Variants in COL4A2 observed in about 807,000 individuals in gnomAD.
COL4A2 encodes collagen alpha-2(IV) chain.
In COL4A2, 99 loss-of-function variants were observed where a neutral mutation model predicts 200.2. The observed-to-expected ratio is 0.49, with a 90% CI of 0.42 to 0.58. COL4A2 has a LOEUF of 0.58. Ranked by LOEUF, COL4A2 falls within the 20% of genes least tolerant of loss-of-function variation. The pLI is 0.00. For synonymous variants in COL4A2, 897 were observed against 900.6 expected (o/e 1.00, Z 0.07); for missense variants, 1,950 against 2,314.1 (o/e 0.84, Z 3.23).
At chr13:110,327,238 T>C (rs1885441516) in intron 3 of COL4A2, among the ~76,000 whole-genome samples, 1 of 152,190 alleles carries the variant, frequency 6.6e-6, no homozygotes, top group Non-Finnish European at 1.5e-5. Context: ...ACCCATGGAA[T>C]TTGGGCGTCC....
At position 110,449,769 on chromosome 13, in the gene COL4A2, G is replaced by A. The variant is rs1304939051; in HGVS notation, c.1169G>A (p.Gly390Asp). 1.9e-6 allele frequency: 3 copies of A among 1,548,808 alleles called. No individual in the cohort carries two copies. Among genetic ancestry groups the A allele is most frequent in the East Asian group, 2.4e-5 (1 of 40,876 alleles). Reference protein sequence around the residue: ...PGDPGLPGPPGLSIGDGDQRR... With the variant: ...PGDPGLPGPPDLSIGDGDQRR... Reference sequence around the variant, plus strand: ...GACCCGGGCCTCCCAGGTCCCCCTGGCCTCTCCATCGGAGATGGAGGTAAT... The same window carrying A: ...GACCCGGGCCTCCCAGGTCCCCCTGACCTCTCCATCGGAGATGGAGGTAAT... The change falls in exon 19 of 48, where the codon GGC (glycine) becomes GAC (aspartate). Residue 390 changes from glycine to aspartate, a missense_variant. Physicochemically the swap from Gly to Asp is moderately conservative, Grantham distance 94. Coordinates refer to ENST00000360467, the MANE Select transcript of COL4A2 (RefSeq NM_001846.4).
chr13:110,480,541 G>A, intron 31 of COL4A2, 151 bp downstream of exon 31: 1 of 781,440 alleles, frequency 1.3e-6, no homozygotes, highest in Non-Finnish European at 1.9e-6. Flanking sequence ...TCCTGACCTA[G>A]GAGACAGCAG....
chr13:110,351,901 G>A (rs1876974873), intron 3 of COL4A2, among the ~76,000 whole-genome samples: 1 of 152,230 alleles, frequency 6.6e-6, no homozygotes, highest in African/African-American at 2.4e-5. Flanking sequence ...CGCCTGGGAA[G>A]CCACTGAGCT....
chr13:110,382,699 A>T (rs1401376383), intron 4 of COL4A2, among the ~76,000 whole-genome samples: 1 of 152,230 alleles, frequency 6.6e-6, no homozygotes, highest in African/African-American at 2.4e-5. Flanking sequence ...GGAGAGATCA[A>T]CAACAACAAA....
At chr13:110,321,178 ATGTGTG>A (rs10602824) in intron 3 of COL4A2, among the ~76,000 whole-genome samples, 3 of 149,770 alleles carry the variant, frequency 2.0e-5, no homozygotes, top group African/African-American at 4.9e-5. Context: ...TATAGTGTGC[ATGTGTG>A]TGTGTGTGTG....
chr13:110,452,695 G>A (rs1284226035), intron 20 of COL4A2, among the ~76,000 whole-genome samples: 1 of 151,988 alleles, frequency 6.6e-6, no homozygotes, highest in Non-Finnish European at 1.5e-5. Flanking sequence ...AAAATTTTTA[G>A]GTGCAGATAT....
chr13:110,375,121 C>T (rs75833707), intron 4 of COL4A2, among the ~76,000 whole-genome samples: 2 of 152,226 alleles, frequency 1.3e-5, no homozygotes, highest in South Asian at 2.1e-4. Flanking sequence ...CTCTGAGATG[C>T]GATACTTCTC....
Position 110,508,080 on chromosome 13 carries a change from G to A in COL4A2, c.4740G>A (p.Glu1580=). ...CGCTGCCCATGATGCCCGTGGCCGA[G>A]GACGAGATCAAGCCCTACATCAGCC... ...TAPLPMMPVA[E]DEIKPYISRC... Residue 1580 remains glutamate (E), a synonymous_variant, in exon 47 of 48, where the codon GAG becomes GAA. Coordinates refer to ENST00000360467, the MANE Select transcript of COL4A2 (RefSeq NM_001846.4). The surrounding 1 kb of genome is among the most constrained non-coding windows in gnomAD (Gnocchi z 6.1). 3.7e-6 allele frequency: 6 copies of A among 1,614,266 alleles called. No individual in the cohort carries two copies. In the Middle Eastern group the frequency reaches 9.9e-4, roughly 266 times the overall value.
chr13:110,485,240 C>T (rs1883073642), intron 33 of COL4A2, among the ~76,000 whole-genome samples: 1 of 152,158 alleles, frequency 6.6e-6, no homozygotes, highest in African/African-American at 2.4e-5. Context: ...ATTTGCAGCA[C>T]TGGCCGGGCG....
intron 29 of COL4A2, among the ~76,000 whole-genome samples, chr13:110,476,017 C>T (rs1403265901): frequency 1.3e-5 from 2 of 152,260 alleles, no homozygotes; most frequent in Non-Finnish European, 1.5e-5. Context: ...GTGCTGTCCA[C>T]TTCCAGAAGG....
chr13:110,321,235 C>A (rs1374918851), intron 3 of COL4A2, among the ~76,000 whole-genome samples: 1 of 146,170 alleles, frequency 6.8e-6, no homozygotes, highest in Non-Finnish European at 1.5e-5. Context: ...TACACACACA[C>A]ACACACATAG....
At chr13:110,369,796 T>C (rs9521724) in intron 4 of COL4A2, among the ~76,000 whole-genome samples, 103,540 of 151,998 alleles carry the variant, frequency 0.68, 35,852 homozygotes, top group East Asian at 0.84. Context: ...AGCTCCCCAT[T>C]GCACAGATGA....
At chr13:110,390,224 G>A (rs1449279377) in intron 4 of COL4A2, among the ~76,000 whole-genome samples, 1 of 152,188 alleles carries the variant, frequency 6.6e-6, no homozygotes, top group Non-Finnish European at 1.5e-5. Context: ...AGGAAAGTTT[G>A]GAGAGACCCA....
intron 20 of COL4A2, among the ~76,000 whole-genome samples, chr13:110,451,660 T>C (rs972149600): frequency 6.6e-5 from 10 of 152,210 alleles, no homozygotes; most frequent in African/African-American, 2.4e-4. Flanking sequence ...CATGATTCCA[T>C]TACCTCCTGT....
intron 4 of COL4A2, among the ~76,000 whole-genome samples, chr13:110,385,535 ATAGG>A (rs1878674906): frequency 9.1e-6 from 1 of 109,888 alleles, no homozygotes; most frequent in African/African-American, 3.0e-5. Flanking sequence ...CAGTGCGTGG[ATAGG>A]CCGTGGTTGC....
intron 3 of COL4A2, among the ~76,000 whole-genome samples, chr13:110,342,749 T>C (rs1361611989): frequency 6.6e-6 from 1 of 151,964 alleles, no homozygotes; most frequent in Non-Finnish European, 1.5e-5. Flanking sequence ...AAATCAAGTT[T>C]CTCCCAAACA....
At chr13:110,346,277 G>C (rs1480787136) in intron 3 of COL4A2, among the ~76,000 whole-genome samples, 1 of 152,140 alleles carries the variant, frequency 6.6e-6, no homozygotes, top group Non-Finnish European at 1.5e-5. Context: ...ATTAACTTTT[G>C]AAATCAAGTG....
intron 16 of COL4A2, among the ~76,000 whole-genome samples, chr13:110,440,112 C>T (rs1393086381): frequency 6.6e-6 from 1 of 152,214 alleles, no homozygotes; most frequent in Non-Finnish European, 1.5e-5. Context: ...TCCAACCTCA[C>T]ACCCCTCCTC....
intron 3 of COL4A2, among the ~76,000 whole-genome samples, chr13:110,350,213 G>A (rs1275722704): frequency 6.6e-6 from 1 of 152,214 alleles, no homozygotes; most frequent in African/African-American, 2.4e-5. Context: ...TTCCAATTGA[G>A]TAGAATGTAA....
Sources: allele counts gnomAD v4.1 joint callset (sites outside exome capture counted in the v4.1 genomes callset), GRCh38; gene constraint gnomAD v4.1.1; non-coding constraint Gnocchi (gnomAD v3.1); transcripts MANE v1.5; gene names NCBI Gene and HGNC (gene_info 2026-07-23, HGNC 2026-07-21).